The following PHF21A variants were observed in gnomAD, a reference collection of about 807,000 sequenced individuals.
PHF21A encodes BHC80a.
Under a neutral mutation model 82.5 loss-of-function variants are expected in PHF21A, and 11 were observed. The observed-to-expected ratio is 0.13, with a 90% confidence interval of 0.08 to 0.22. The LOEUF (loss-of-function observed/expected upper bound fraction) is 0.22, where lower values mean the gene tolerates loss of function less well. Ranked by LOEUF, PHF21A falls within the 10% of genes least tolerant of loss-of-function variation. The probability of loss-of-function intolerance (pLI) is 1.00; values close to 1 mark genes in which losing one functional copy is unlikely to be tolerated. For synonymous variants in PHF21A, 297 were observed against 302.8 expected (o/e 0.98, Z 0.20); for missense variants, 579 against 837.8 (o/e 0.69, Z 3.81).
chr11:45,941,878 C>T (rs1373515204), intron 15 of PHF21A, among the ~76,000 whole-genome samples: 1 of 152,214 alleles, frequency 6.6e-6, no homozygotes, highest in East Asian at 1.9e-4. Context: ...ATTATGTTAA[C>T]GTATCTTCCC....
chr11:46,112,273 C>T (rs1269772335), intron 1 of PHF21A, among the ~76,000 whole-genome samples: 1 of 152,202 alleles, frequency 6.6e-6, no homozygotes, highest in Non-Finnish European at 1.5e-5. Flanking sequence ...GGTCTTAGAA[C>T]AGCCTGAGCT....
intron 6 of PHF21A, among the ~76,000 whole-genome samples, chr11:46,061,509 C>T (rs774929532): frequency 2.0e-5 from 3 of 152,080 alleles, no homozygotes; most frequent in Non-Finnish European, 2.9e-5. Flanking sequence ...TTTTGCTATT[C>T]CTGGAACTTA....
At chr11:45,971,069 C>A in intron 8 of PHF21A, 47 bp downstream of exon 8, 1 of 1,603,704 alleles carries the variant, frequency 6.2e-7, no homozygotes, top group Non-Finnish European at 8.5e-7. Context: ...AAATGCGTAT[C>A]CTAACCTTCT....
At chr11:45,940,376 A>G (rs1387239689) in intron 15 of PHF21A, among the ~76,000 whole-genome samples, 1 of 151,986 alleles carries the variant, frequency 6.6e-6, no homozygotes, top group Admixed American at 6.6e-5. Context: ...TTATATTTTT[A>G]GTAGAAACAG....
intron 16 of PHF21A, among the ~76,000 whole-genome samples, chr11:45,937,468 G>T (rs915668293): frequency 1.3e-5 from 2 of 152,080 alleles, no homozygotes; most frequent in Admixed American, 1.3e-4. Flanking sequence ...AGTGAAATGG[G>T]TGTTGTTTTA....
At chr11:45,971,400 T>G in intron 7 of PHF21A, 33 bp from the exon 8 acceptor site, 1 of 1,580,796 alleles carries the variant, frequency 6.3e-7, no homozygotes, top group Non-Finnish European at 8.6e-7. Context: ...ATTAGGACAC[T>G]AAATCTAAAC....
At chr11:45,970,757 A>T (rs1295666492) in intron 8 of PHF21A, 1 of 213,572 alleles carries the variant, frequency 4.7e-6, no homozygotes, top group East Asian at 1.1e-4. Flanking sequence ...AATACAGCAC[A>T]AGAGAGTTTA....
chr11:45,940,705 C>A (rs565153983), intron 15 of PHF21A, among the ~76,000 whole-genome samples: 1 of 152,278 alleles, frequency 6.6e-6, no homozygotes, highest in Middle Eastern at 3.4e-3. Flanking sequence ...GTCAGCCTTT[C>A]TTGAACCTTA....
intron 6 of PHF21A, among the ~76,000 whole-genome samples, chr11:46,049,988 T>C (rs188833660): frequency 2.0e-5 from 3 of 152,380 alleles, no homozygotes; most frequent in Admixed American, 1.3e-4. Context: ...TATTCTATCA[T>C]ATATTTCATG....
chr11:45,986,304 C>T (rs1191136548), intron 6 of PHF21A, among the ~76,000 whole-genome samples: 1 of 152,042 alleles, frequency 6.6e-6, no homozygotes, highest in African/African-American at 2.4e-5. Flanking sequence ...CATCTTCCCC[C>T]TAACTTGATA....
At chr11:45,992,367 C>A (rs547908724) in intron 6 of PHF21A, among the ~76,000 whole-genome samples, 3 of 139,402 alleles carry the variant, frequency 2.2e-5, no homozygotes, top group South Asian at 4.5e-4. Context: ...CCCGTCTATA[C>A]TAAAAATACA....
chr11:46,093,728 G>A (rs555529639), intron 1 of PHF21A, among the ~76,000 whole-genome samples: 2 of 152,296 alleles, frequency 1.3e-5, no homozygotes, highest in South Asian at 4.1e-4. Flanking sequence ...TTAAGTCAAT[G>A]AATTGACTAA....
chr11:46,005,894 C>A (rs1188320190), intron 6 of PHF21A, among the ~76,000 whole-genome samples: 1 of 152,110 alleles, frequency 6.6e-6, no homozygotes, highest in Non-Finnish European at 1.5e-5. Context: ...GTATTCATTT[C>A]TTTAAAAAAC....
At chr11:46,089,561 C>T (rs556826962) in intron 3 of PHF21A, among the ~76,000 whole-genome samples, 1 of 152,036 alleles carries the variant, frequency 6.6e-6, no homozygotes, top group South Asian at 2.1e-4. Flanking sequence ...GCACAAAGAG[C>T]TTGGCAACCC....
At chr11:45,985,616 A>C (rs1055238543) in intron 6 of PHF21A, among the ~76,000 whole-genome samples, 7 of 152,252 alleles carry the variant, frequency 4.6e-5, no homozygotes, top group Admixed American at 3.9e-4. Context: ...AAATATACTT[A>C]GCTAAAATAA....
intron 1 of PHF21A, chr11:46,119,592 G>A (rs1485570700): frequency 6.6e-6 from 1 of 152,086 alleles, no homozygotes; most frequent in African/African-American, 2.4e-5. Flanking sequence ...CGGCACATCT[G>A]CACCCGACAA....
intron 6 of PHF21A, among the ~76,000 whole-genome samples, chr11:45,989,114 T>C (rs1233153185): frequency 6.6e-6 from 1 of 152,148 alleles, no homozygotes; most frequent in Non-Finnish European, 1.5e-5. Context: ...AATTACTGAT[T>C]AACTTCATGG....
At chr11:46,062,510 C>T (rs982518531) in intron 6 of PHF21A, among the ~76,000 whole-genome samples, 1 of 152,106 alleles carries the variant, frequency 6.6e-6, no homozygotes, top group African/African-American at 2.4e-5. Flanking sequence ...CTAGCATCCT[C>T]TCCTTGTTTC....
chr11:45,971,905 T>TGTTTTTTTTTTTTTTTTTTTTTTTTTTTA (rs1452859819), intron 7 of PHF21A, among the ~76,000 whole-genome samples: 1 of 89,940 alleles, frequency 1.1e-5, no homozygotes, highest in African/African-American at 4.2e-5. Flanking sequence ...TTTTTTTTTT[T>TGTTTTTTTTTTTTTTTTTTTTTTTTTTTA]ATGGTGTCAC....
Sources: allele counts gnomAD v4.1 joint callset (sites outside exome capture counted in the v4.1 genomes callset), GRCh38; gene constraint gnomAD v4.1.1; transcripts MANE v1.5; gene names NCBI Gene and HGNC (gene_info 2026-07-23, HGNC 2026-07-21).